The following WSCD2 variants were observed in gnomAD, a reference collection of about 807,000 sequenced individuals.
The protein encoded by WSCD2 is sialate:O-sulfotransferase 2.
A neutral mutation model predicts 55.7 loss-of-function variants in WSCD2; 28 were observed. That is an observed-to-expected ratio of 0.50 (90% CI 0.37 to 0.69). The LOEUF is 0.69. WSCD2 is among the 30% of genes least tolerant of loss of function. The pLI is 0.00. For missense variants in WSCD2, 616 were observed against 762.1 expected (o/e 0.81, Z 2.26); for synonymous variants, 301 against 301.9 (o/e 1.00, Z 0.03).
intron 1 of WSCD2, among the ~76,000 whole-genome samples, chr12:108,192,005 A>G (rs1883224656): frequency 6.6e-6 from 1 of 152,216 alleles, no homozygotes; most frequent in African/African-American, 2.4e-5. Flanking sequence ...ATGTGTTGGA[A>G]TATGAAAGAA....
chr12:108,227,313 A>C (rs1176081150), intron 6 of WSCD2, 149 bp downstream of exon 6: 15 of 965,774 alleles, frequency 1.6e-5, no homozygotes, highest in Non-Finnish European at 2.1e-5. Flanking sequence ...CACCAGGCTT[A>C]GAGTTCCTGG....
intron 1 of WSCD2, among the ~76,000 whole-genome samples, chr12:108,193,817 G>A (rs1322736674): frequency 6.6e-6 from 1 of 152,196 alleles, no homozygotes; most frequent in Non-Finnish European, 1.5e-5. Flanking sequence ...ATGGATTTTT[G>A]TCTGTTTTGT....
chr12:108,138,343 C>T (rs1315740193), intron 1 of WSCD2, among the ~76,000 whole-genome samples: 1 of 152,110 alleles, frequency 6.6e-6, no homozygotes, highest in African/African-American at 2.4e-5. Context: ...AAAAAGATGC[C>T]CCATTTAACT....
intron 4 of WSCD2, among the ~76,000 whole-genome samples, chr12:108,211,900 T>A (rs1886237979): frequency 1.3e-5 from 2 of 151,348 alleles, no homozygotes; most frequent in African/African-American, 4.9e-5. Context: ...CCTGACCTCG[T>A]GATCCACCCA....
At position 108,244,537 on chromosome 12, in the gene WSCD2, C is replaced by A. The variant is rs1026119950; in HGVS notation, c.1346-3454C>A. On this transcript the variant is annotated intron_variant, in intron 8 of 8. Transcript: ENST00000547525. ...CTTGTCCCAGGAGCCGTACCAGGAT[C>A]TTTGCAAATCTTATTTCGCTCGATT... 2.0e-5 allele frequency: 14 copies of A among 702,832 alleles called. No individual in the cohort carries two copies. In the African/African-American group the frequency reaches 2.1e-4, roughly 11 times the overall value. The allele number at this position is 702,832 out of a possible 1,614,324, so 43.5% of individuals were successfully genotyped here. A position where few individuals can be genotyped will look rare whatever the true frequency, so the allele number is the denominator to read the frequency against.
intron 1 of WSCD2, among the ~76,000 whole-genome samples, chr12:108,178,797 C>G (rs78413018): frequency 0.02 from 3,069 of 152,316 alleles, 115 homozygotes; most frequent in African/African-American, 0.071. Flanking sequence ...GAAGGCCACA[C>G]TCTGGGGTAC....
chr12:108,182,804 A>G (rs1221327674), intron 1 of WSCD2, among the ~76,000 whole-genome samples: 1 of 152,196 alleles, frequency 6.6e-6, no homozygotes, highest in Non-Finnish European at 1.5e-5. Context: ...TGCCTGACTT[A>G]GCTTCCAGCA....
At chr12:108,227,224 C>A in intron 6 of WSCD2, 60 bp downstream of exon 6, 2 of 1,558,384 alleles carry the variant, frequency 1.3e-6, no homozygotes, top group Non-Finnish European at 8.7e-7. Flanking sequence ...CCCTCCCAGA[C>A]GTGTTCCTGC....
chr12:108,215,729 T>G (rs1034603943), intron 4 of WSCD2, among the ~76,000 whole-genome samples: 1 of 152,220 alleles, frequency 6.6e-6, no homozygotes, highest in Non-Finnish European at 1.5e-5. Context: ...GGTTGGTGGC[T>G]TCTTTCAAAC....
intron 1 of WSCD2, among the ~76,000 whole-genome samples, chr12:108,153,728 G>A (rs1337644840): frequency 6.6e-6 from 1 of 152,182 alleles, no homozygotes; most frequent in African/African-American, 2.4e-5. Context: ...AGGTGATGGG[G>A]AAAGAAATGT....
chr12:108,194,635 A>T (rs1883649024), intron 1 of WSCD2, among the ~76,000 whole-genome samples: 1 of 152,190 alleles, frequency 6.6e-6, no homozygotes, highest in South Asian at 2.1e-4. Flanking sequence ...CTCAATAAAC[A>T]CTGAATGGAC....
chr12:108,184,285 G>A (rs1049685628), intron 1 of WSCD2, among the ~76,000 whole-genome samples: 4 of 152,130 alleles, frequency 2.6e-5, no homozygotes, highest in Non-Finnish European at 5.9e-5. Flanking sequence ...GAGGTGGGCT[G>A]GGGAGCACAG....
chr12:108,240,625 C>T, intron 8 of WSCD2, 81 bp downstream of exon 8: 2 of 1,453,936 alleles, frequency 1.4e-6, no homozygotes, highest in Admixed American at 2.0e-5. Flanking sequence ...TGCTCCGGAC[C>T]AGCGTGACCA....
chr12:108,208,787 C>T (rs1032147388), intron 3 of WSCD2, among the ~76,000 whole-genome samples: 4 of 152,200 alleles, frequency 2.6e-5, no homozygotes, highest in African/African-American at 9.6e-5. Flanking sequence ...AAGTGGTCTA[C>T]ATTCATTCTA....
Position 108,166,726 on chromosome 12 carries a change from C to CTCTTTCTTTCTT in WSCD2, c.-551-28549_-551-28538dup, listed in dbSNP as rs764436831. Among the ~76,000 whole-genome samples the CTCTTTCTTTCTT allele has an allele frequency of 1.8e-3, 177 of 98,756 alleles. 1 individual carries two copies. The highest frequency in any genetic ancestry group is 6.0e-3 in the African/African-American group (170 of 28,190). The allele number at this position is 98,756 out of a possible 152,430, so 64.8% of individuals were successfully genotyped here. A position where few individuals can be genotyped will look rare whatever the true frequency, so the allele number is the denominator to read the frequency against. ...TCTTTCTTTCTTTCCCTCCTTCTTT[C>CTCTTTCTTTCTT]TCTTTCTTTCTTTCTTTCCTTCTTT... On this transcript the variant is annotated intron_variant, in intron 1 of 8. Transcript: ENST00000547525.
chr12:108,241,472 T>G (rs1889738949), intron 8 of WSCD2, among the ~76,000 whole-genome samples: 1 of 152,214 alleles, frequency 6.6e-6, no homozygotes, highest in African/African-American at 2.4e-5. Context: ...GGCTAACTTC[T>G]TAAATCCCCA....
intron 2 of WSCD2, among the ~76,000 whole-genome samples, chr12:108,200,267 C>A (rs4964655): frequency 0.34 from 51,438 of 151,788 alleles, 8,913 homozygotes; most frequent in East Asian, 0.61. Flanking sequence ...ATTTTCCTTT[C>A]AGCTTCATAT....
At chr12:108,236,253 T>G (rs544993868) in intron 7 of WSCD2, among the ~76,000 whole-genome samples, 1 of 152,190 alleles carries the variant, frequency 6.6e-6, no homozygotes, top group Admixed American at 6.5e-5. Flanking sequence ...GTGAGAAGCA[T>G]GTATCAGATG....
intron 1 of WSCD2, among the ~76,000 whole-genome samples, chr12:108,194,462 G>A (rs1257831771): frequency 1.3e-5 from 2 of 152,128 alleles, no homozygotes; most frequent in African/African-American, 4.8e-5. Flanking sequence ...TTTGCGATTT[G>A]GACTGTCCTG....
Sources: gnomAD v4.1 joint callset for allele counts (sites outside exome capture counted in the v4.1 genomes callset) on GRCh38, gnomAD v4.1.1 for gene constraint, MANE v1.5 for transcripts, NCBI Gene and HGNC (gene_info 2026-07-23, HGNC 2026-07-21) for gene names.